DGKH: variants seen among roughly 807,000 people sequenced by gnomAD.
DGKH encodes diacylglycerol kinase eta, also known as DAG kinase eta.
DGKH carries 90 observed loss-of-function variants against 159.3 expected under a neutral mutation model. That is an observed-to-expected ratio of 0.57 (90% CI 0.48 to 0.67). The LOEUF (loss-of-function observed/expected upper bound fraction) is 0.67. Ranked by LOEUF, DGKH falls within the 30% of genes least tolerant of loss-of-function variation. The pLI is 0.00. For synonymous variants in DGKH, 536 were observed against 553.8 expected (o/e 0.97, Z 0.45); for missense variants, 1,181 against 1,506.1 (o/e 0.78, Z 3.57).
intron 1 of DGKH, among the ~76,000 whole-genome samples, chr13:42,085,937 T>C (rs1954292619): frequency 1.3e-5 from 2 of 152,202 alleles, no homozygotes; most frequent in Admixed American, 1.3e-4. Flanking sequence ...GTTTTTTTTT[T>C]TGAGACAGAG....
intron 1 of DGKH, among the ~76,000 whole-genome samples, chr13:42,121,218 A>G (rs1413900318): frequency 1.3e-5 from 2 of 152,302 alleles, no homozygotes; most frequent in East Asian, 3.9e-4. Flanking sequence ...TTGAGTTCTC[A>G]TGCAACCATT....
At position 42,229,455 on chromosome 13, in the gene DGKH, A is replaced by C; in HGVS notation, c.*267A>C. On this transcript the variant is annotated 3_prime_UTR_variant, in exon 30 of 30. Transcript: ENST00000337343. ...TTCACAATGGTAATAAGGTAGGAGG[A>C]ATCTGAGACGATTGCATTGTCTAAA... 2.9e-6 allele frequency: 1 copy of C among 345,538 alleles called. No homozygotes were observed. The allele number at this position is 345,538 out of a possible 1,614,324, so 21.4% of individuals were successfully genotyped here.
chr13:42,115,991 A>G (rs1954961049), intron 1 of DGKH, among the ~76,000 whole-genome samples: 2 of 152,190 alleles, frequency 1.3e-5, no homozygotes, highest in Non-Finnish European at 2.9e-5. Flanking sequence ...ATAATAAATA[A>G]TGCTTAGGAT....
At chr13:42,055,129 G>T (rs1881659171) in intron 1 of DGKH, among the ~76,000 whole-genome samples, 1 of 152,196 alleles carries the variant, frequency 6.6e-6, no homozygotes, top group Admixed American at 6.5e-5. Flanking sequence ...TATGGCCCAT[G>T]GATATAGTCT....
intron 1 of DGKH, among the ~76,000 whole-genome samples, chr13:42,085,018 T>G (rs1954275930): frequency 6.6e-6 from 1 of 152,160 alleles, no homozygotes; most frequent in African/African-American, 2.4e-5. Context: ...TATTCCTACT[T>G]TTAAACATGA....
At chr13:42,203,250 G>A (rs1957389739) in intron 20 of DGKH, among the ~76,000 whole-genome samples, 1 of 152,146 alleles carries the variant, frequency 6.6e-6, no homozygotes, top group Admixed American at 6.5e-5. Flanking sequence ...CAACTCATGA[G>A]GTAGGTATTA....
At chr13:42,202,751 G>A (rs572579127) in intron 20 of DGKH, among the ~76,000 whole-genome samples, 5 of 152,192 alleles carry the variant, frequency 3.3e-5, no homozygotes, top group East Asian at 1.9e-4. Context: ...TGTAAATAAC[G>A]TCACAGTATC....
intron 29 of DGKH, among the ~76,000 whole-genome samples, chr13:42,248,903 T>A (rs114329783): frequency 0.015 from 2,287 of 152,030 alleles, 38 homozygotes; most frequent in East Asian, 0.04. Context: ...ATGAAAAAAA[T>A]CACCTAGCAA....
intron 1 of DGKH, among the ~76,000 whole-genome samples, chr13:42,092,269 A>T (rs1213079430): frequency 6.6e-6 from 1 of 152,234 alleles, no homozygotes; most frequent in Non-Finnish European, 1.5e-5. Context: ...GTATCAGTAT[A>T]CTGAAGAAAT....
intron 1 of DGKH, among the ~76,000 whole-genome samples, chr13:42,099,651 T>G (rs1954615925): frequency 6.6e-6 from 1 of 152,216 alleles, no homozygotes; most frequent in African/African-American, 2.4e-5. Context: ...AAATATTTAT[T>G]GTGTGCCAAC....
chr13:42,248,716 CTGTTTAGATA>C (rs1284398963), intron 29 of DGKH, among the ~76,000 whole-genome samples: 6 of 149,676 alleles, frequency 4.0e-5, no homozygotes, highest in Middle Eastern at 7.0e-3. Flanking sequence ...TACCTTTTCT[CTGTTTAGATA>C]TGTTTAGATA....
In DGKH at chr13:42,100,733, C is replaced by T. The variant is rs561222052; in HGVS notation, c.193-26730C>T. ...TACTGCTGAAATTATTGGACATTCACCTTACAGGAATTCAACCCGCCTTAC... is the reference window on the plus strand; with the variant it reads ...TACTGCTGAAATTATTGGACATTCATCTTACAGGAATTCAACCCGCCTTAC... On this transcript the variant is annotated intron_variant, in intron 1 of 29. Coordinates refer to ENST00000337343, the MANE Select transcript of DGKH (RefSeq NM_178009.5). 6.4e-4 allele frequency among the ~76,000 whole-genome samples: 97 copies of T among 152,294 alleles called. No individual in the cohort carries two copies. In the South Asian group the frequency reaches 0.019, roughly 31 times the overall value.
intron 1 of DGKH, among the ~76,000 whole-genome samples, chr13:42,109,919 T>C (rs1954830373): frequency 6.6e-6 from 1 of 152,258 alleles, no homozygotes; most frequent in Non-Finnish European, 1.5e-5. Flanking sequence ...TGGAGTGGAG[T>C]TTATGATATT....
intron 3 of DGKH, among the ~76,000 whole-genome samples, chr13:42,140,233 G>T (rs1399866879): frequency 6.6e-6 from 1 of 152,190 alleles, no homozygotes; most frequent in African/African-American, 2.4e-5. Flanking sequence ...GCAGACTGCT[G>T]TCACATGAAA....
chr13:42,151,683 A>G (rs1955908622), intron 3 of DGKH, among the ~76,000 whole-genome samples: 1 of 151,298 alleles, frequency 6.6e-6, no homozygotes, highest in Admixed American at 6.6e-5. Context: ...TTATGCAATC[A>G]TCTGTTGATG....
At chr13:42,196,159 G>A (rs780404345) in intron 17 of DGKH, among the ~76,000 whole-genome samples, 1 of 152,140 alleles carries the variant, frequency 6.6e-6, no homozygotes, top group Non-Finnish European at 1.5e-5. Flanking sequence ...AACAAATATT[G>A]GCACAGATGT....
chr13:42,207,710 T>TATATATATA (rs1171153603), intron 21 of DGKH, among the ~76,000 whole-genome samples: 1 of 147,682 alleles, frequency 6.8e-6, no homozygotes, highest in Non-Finnish European at 1.5e-5. Context: ...TATATATATA[T>TATATATATA]ATATATCAGT....
chr13:42,251,075 A>G (rs1958616710), intron 29 of DGKH, among the ~76,000 whole-genome samples: 1 of 152,332 alleles, frequency 6.6e-6, no homozygotes, highest in East Asian at 1.9e-4. Flanking sequence ...TTATATATGA[A>G]CTTTAATATA....
chr13:42,176,184 G>A (rs1275628111), intron 12 of DGKH, among the ~76,000 whole-genome samples: 1 of 152,036 alleles, frequency 6.6e-6, no homozygotes, highest in Non-Finnish European at 1.5e-5. Context: ...TTTTTTGAAT[G>A]TAAGTTTCAA....
Sources: gnomAD v4.1 joint callset for allele counts (sites outside exome capture counted in the v4.1 genomes callset) on GRCh38, gnomAD v4.1.1 for gene constraint, MANE v1.5 for transcripts, NCBI Gene and HGNC (gene_info 2026-07-23, HGNC 2026-07-21) for gene names.